Variants in EYA1 observed in about 807,000 individuals in gnomAD.
EYA1 encodes EYA transcriptional coactivator and phosphatase 1, also known as protein phosphatase EYA1.
EYA1 carries 16 observed loss-of-function variants against 82.0 expected under a neutral mutation model. The ratio of observed to expected loss-of-function variants is 0.20; its 90% CI spans 0.13 to 0.30. The LOEUF (loss-of-function observed/expected upper bound fraction) is 0.30, where lower values mean the gene tolerates loss of function less well. Among genes scored for constraint, EYA1 ranks in the 10% least tolerant of loss-of-function variants. The pLI is 1.00. For missense variants in EYA1, 633 were observed against 730.7 expected, an observed-to-expected ratio of 0.87 and a Z score of 1.54; for synonymous variants, 261 against 264.4, an observed-to-expected ratio of 0.99 and a Z score of 0.12.
chr8:71,311,314 G>A (rs544754472), intron 7 of EYA1, among the ~76,000 whole-genome samples: 117 of 152,328 alleles, frequency 7.7e-4, no homozygotes, highest in South Asian at 1.0e-3. Flanking sequence ...TTCTGTGAAA[G>A]CAATCAGAGG....
intron 6 of EYA1, among the ~76,000 whole-genome samples, chr8:71,320,394 A>T (rs1471079572): frequency 6.6e-6 from 1 of 152,222 alleles, no homozygotes; most frequent in African/African-American, 2.4e-5. Context: ...GAGAACGTAA[A>T]TCAAAGACTG....
chr8:71,431,929 T>A (rs1805649249), intron 2 of EYA1, among the ~76,000 whole-genome samples: 1 of 152,194 alleles, frequency 6.6e-6, no homozygotes, highest in South Asian at 2.1e-4. Flanking sequence ...TCCATTTGGA[T>A]AGCCTGATCT....
At position 71,197,832 on chromosome 8, in the gene EYA1, GA is replaced by G. The variant is rs1204384199; in HGVS notation, c.*1507del. ...TCATGACAATGGATTGTGTTTGTTAGATGAGAGAAAATATTGCCCAGCCAAA... is the reference window on the plus strand; with the variant it reads ...TCATGACAATGGATTGTGTTTGTTAGTGAGAGAAAATATTGCCCAGCCAAA... On this transcript the variant is annotated 3_prime_UTR_variant, in exon 18 of 18. Transcript: ENST00000340726. The G allele has an allele frequency of 6.6e-6, 1 of 152,586 alleles. No homozygotes were observed. Among genetic ancestry groups the G allele is most frequent in the Non-Finnish European group, 1.5e-5 (1 of 68,030 alleles). 9.5% of individuals were successfully genotyped at this position (152,586 alleles called of 1,614,324 possible).
intron 16 of EYA1, among the ~76,000 whole-genome samples, chr8:71,213,358 G>C (rs972955625): frequency 8.5e-5 from 13 of 152,128 alleles, no homozygotes; most frequent in African/African-American, 2.9e-4. Flanking sequence ...ACTATGGGCT[G>C]CTTCGGCATT....
chr8:71,496,452 T>C (rs1310334794), intron 2 of EYA1, among the ~76,000 whole-genome samples: 2 of 152,242 alleles, frequency 1.3e-5, no homozygotes, highest in Admixed American at 1.3e-4. Context: ...TAATTAACTA[T>C]GAGCTGTAAT....
chr8:71,528,919 A>C (rs2129280494), intron 2 of EYA1, among the ~76,000 whole-genome samples: 1 of 152,334 alleles, frequency 6.6e-6, no homozygotes, highest in Non-Finnish European at 1.5e-5. Context: ...TCTGACTTTA[A>C]ATGTCCTGCC....
chr8:71,330,820 C>T (rs1823752492), intron 4 of EYA1, among the ~76,000 whole-genome samples: 1 of 152,070 alleles, frequency 6.6e-6, no homozygotes, highest in Non-Finnish European at 1.5e-5. Flanking sequence ...TCCAAATTCT[C>T]CAACATGTTA....
At chr8:71,319,342 G>A (rs979013189) in intron 6 of EYA1, among the ~76,000 whole-genome samples, 5 of 152,094 alleles carry the variant, frequency 3.3e-5, no homozygotes, top group African/African-American at 1.2e-4. Context: ...GTGTTAGCCA[G>A]GATGGTCTAG....
intron 6 of EYA1, among the ~76,000 whole-genome samples, chr8:71,321,243 A>C (rs1382822550): frequency 6.6e-6 from 1 of 152,190 alleles, no homozygotes; most frequent in Non-Finnish European, 1.5e-5. Context: ...AGGCAGTGAT[A>C]TATAGATCAC....
intron 4 of EYA1, among the ~76,000 whole-genome samples, chr8:71,327,898 C>T (rs1482098798): frequency 6.7e-6 from 1 of 149,768 alleles, no homozygotes; most frequent in Non-Finnish European, 1.5e-5. Flanking sequence ...ACCCTGTCGC[C>T]CTGGCTAGAG....
intron 2 of EYA1, among the ~76,000 whole-genome samples, chr8:71,527,105 T>C (rs1400778523): frequency 6.6e-6 from 1 of 152,132 alleles, no homozygotes; most frequent in Admixed American, 6.5e-5. Flanking sequence ...ATACTCTGGG[T>C]TCTACAACAA....
intron 17 of EYA1, among the ~76,000 whole-genome samples, chr8:71,202,672 G>T (rs947339944): frequency 6.6e-6 from 1 of 152,134 alleles, no homozygotes; most frequent in Non-Finnish European, 1.5e-5. Flanking sequence ...AATCTTAGGT[G>T]TACATGAAAG....
At chr8:71,433,810 C>T (rs1805805228) in intron 2 of EYA1, among the ~76,000 whole-genome samples, 1 of 152,190 alleles carries the variant, frequency 6.6e-6, no homozygotes. Flanking sequence ...CTGGCTGTTA[C>T]TCTGAGTGAC....
chr8:71,296,323 A>T (rs1313369871), intron 9 of EYA1, among the ~76,000 whole-genome samples: 3 of 152,184 alleles, frequency 2.0e-5, no homozygotes. Flanking sequence ...ACACCATCAC[A>T]GACTTAAAAA....
chr8:71,535,662 G>T, intron 2 of EYA1: 1 of 1,011,562 alleles, frequency 9.9e-7, no homozygotes, highest in Non-Finnish European at 1.4e-6. Context: ...CAATCTTCCA[G>T]ATACTCGGGT....
chr8:71,477,690 G>C (rs1160118846), intron 2 of EYA1, among the ~76,000 whole-genome samples: 1 of 151,980 alleles, frequency 6.6e-6, no homozygotes, highest in African/African-American at 2.4e-5. Context: ...TAAACACAGG[G>C]TTATTCTACC....
At chr8:71,232,683 CT>C (rs111907048) in intron 12 of EYA1, among the ~76,000 whole-genome samples, 3,229 of 143,772 alleles carry the variant, frequency 0.022, 96 homozygotes, top group African/African-American at 0.072. Flanking sequence ...TTTTTCTTTT[CT>C]TTTTTTTTTT....
chr8:71,512,516 A>C (rs1226403065), intron 2 of EYA1, among the ~76,000 whole-genome samples: 1 of 152,088 alleles, frequency 6.6e-6, no homozygotes, highest in Admixed American at 6.6e-5. Flanking sequence ...TAAAAGCTAC[A>C]ATGGAAGTAA....
In EYA1 at chr8:71,299,303, A is replaced by T. The variant is rs1819939447; in HGVS notation, c.640-70T>A. 3 of 1,487,560 alleles carry T rather than the reference A, an allele frequency of 2.0e-6. No individual in the cohort carries two copies. In the Admixed American group the frequency reaches 5.0e-5, roughly 25 times the overall value. The allele number at this position is 1,487,560 out of a possible 1,614,324, so 92.1% of individuals were successfully genotyped here. On this transcript the variant is annotated intron_variant, in intron 8 of 17. Transcript: ENST00000340726. ...GCTTATCTCTTACATATCAAAGTGT[A>T]ACTGTAAGTATGTTTGGGTTTCTGA...
Sources: allele counts gnomAD v4.1 joint callset (sites outside exome capture counted in the v4.1 genomes callset), GRCh38; gene constraint gnomAD v4.1.1; transcripts MANE v1.5; gene names NCBI Gene and HGNC (gene_info 2026-07-23, HGNC 2026-07-21).